Variants in OPHN1 observed in about 807,000 individuals in gnomAD.
The protein encoded by OPHN1 is oligophrenin 1, also known as oligophrenin-1.
OPHN1 carries 11 observed loss-of-function variants against 60.7 expected under a neutral mutation model. That is an observed-to-expected ratio of 0.18 (90% CI 0.11 to 0.30). The LOEUF is 0.30. Ranked by LOEUF, OPHN1 falls within the 10% of genes least tolerant of loss-of-function variation. The pLI, the probability that OPHN1 is intolerant of heterozygous loss-of-function variation, is 1.00. For synonymous variants in OPHN1, 226 were observed against 222.6 expected, an observed-to-expected ratio of 1.02 and a Z score of -0.14; for missense variants, 449 against 611.0, an observed-to-expected ratio of 0.73 and a Z score of 2.80.
At chrX:68,247,466 C>T (rs1279090210) in intron 5 of OPHN1, among the ~76,000 whole-genome samples, 1 of 111,570 alleles carries the variant, frequency 9.0e-6, no homozygotes, top group Non-Finnish European at 1.9e-5. Context: ...GGGGAATCTA[C>T]AGAGGACAGG....
intron 4 of OPHN1, among the ~76,000 whole-genome samples, chrX:68,277,400 C>T (rs1259179042): frequency 8.9e-6 from 1 of 112,507 alleles, no homozygotes; most frequent in Non-Finnish European, 1.9e-5. Context: ...TGGTGCCCTG[C>T]AGGCTAGGGG....
chrX:68,185,983 A>C (rs898168812), intron 15 of OPHN1, among the ~76,000 whole-genome samples: 1 of 111,750 alleles, frequency 8.9e-6, no homozygotes, highest in African/African-American at 3.2e-5. Context: ...TGGTTTAAGA[A>C]ATAGGCTGCT....
chrX:68,264,893 C>T (rs1647461661), intron 5 of OPHN1, among the ~76,000 whole-genome samples: 1 of 112,601 alleles, frequency 8.9e-6, no homozygotes, highest in Non-Finnish European at 1.9e-5. Context: ...CCATGCATGG[C>T]TTGGAGGGTC....
intron 2 of OPHN1, among the ~76,000 whole-genome samples, chrX:68,409,828 T>C (rs2078760959): frequency 8.9e-6 from 1 of 111,751 alleles, no homozygotes; most frequent in Non-Finnish European, 1.9e-5. Context: ...TTTTCATGAG[T>C]AGACTTAGGA....
chrX:68,182,241 T>C (rs1168369062), intron 15 of OPHN1, among the ~76,000 whole-genome samples: 2 of 78,676 alleles, frequency 2.5e-5, no homozygotes, highest in East Asian at 9.5e-4. Context: ...CACTAGGGGG[T>C]AGTTGAAACA....
chrX:68,385,031 C>A lies in OPHN1; in HGVS notation c.154+47836G>T, dbSNP rs764733924. On this transcript the variant is annotated intron_variant, in intron 2 of 24. Coordinates refer to ENST00000355520, the MANE Select transcript of OPHN1 (RefSeq NM_002547.3). ...AAGAACTTATCCATGTAACCAAAAA[C>A]CACCTGTACCCCAAAAACTATTGAA... Among the ~76,000 whole-genome samples, 7 of 110,631 alleles carry A rather than the reference C, an allele frequency of 6.3e-5. No homozygotes were observed. In the East Asian group the frequency reaches 1.7e-3, roughly 27 times the overall value.
chrX:68,322,237 G>T (rs1217106408), intron 2 of OPHN1, among the ~76,000 whole-genome samples: 1 of 111,556 alleles, frequency 9.0e-6, no homozygotes. Context: ...CTCCCAAAGT[G>T]CTGGGATTAC....
At chrX:68,166,834 T>C (rs988486740) in intron 15 of OPHN1, among the ~76,000 whole-genome samples, 6 of 112,057 alleles carry the variant, frequency 5.4e-5, no homozygotes, top group African/African-American at 1.9e-4. Context: ...TGGATATCCA[T>C]ATGCAGAAGA....
intron 15 of OPHN1, among the ~76,000 whole-genome samples, chrX:68,166,168 C>A (rs1349900597): frequency 8.9e-6 from 1 of 112,249 alleles, no homozygotes; most frequent in South Asian, 3.7e-4. Context: ...AGATATGAAA[C>A]CAAGGGTGTA....
At chrX:68,054,878 A>AT (rs955537810) in intron 21 of OPHN1, among the ~76,000 whole-genome samples, 3 of 111,981 alleles carry the variant, frequency 2.7e-5, no homozygotes, top group Non-Finnish European at 3.8e-5. Flanking sequence ...ATATTCATCC[A>AT]TTTTTTTCTA....
At chrX:68,314,291 G>A (rs1023961682) in intron 2 of OPHN1, among the ~76,000 whole-genome samples, 1 of 111,545 alleles carries the variant, frequency 9.0e-6, no homozygotes, top group Non-Finnish European at 1.9e-5. Flanking sequence ...GGAGGCTGAG[G>A]CGGGTGGATC....
chrX:68,416,079 G>T (rs1425317360), intron 2 of OPHN1, among the ~76,000 whole-genome samples: 103 of 17,154 alleles, frequency 6.0e-3, no homozygotes, highest in African/African-American at 6.3e-3. Context: ...GAGAGAGAGA[G>T]AGAGAGAGAG....
Position 68,134,231 on chromosome X carries a change from G to A in OPHN1, c.1277-14899C>T, listed in dbSNP as rs2077210025. 2.7e-5 allele frequency among the ~76,000 whole-genome samples: 3 copies of A among 111,413 alleles called. No individual in the cohort carries two copies. In the Admixed American group the frequency reaches 2.8e-4, roughly 11 times the overall value. On this transcript the variant is annotated intron_variant, in intron 15 of 24. Transcript: ENST00000355520. ...CAAAAAAAAAATTGCTTGTTCTACA[G>A]AAGATCATTTACGTTTTGTGACCAT...
At chrX:68,112,068 C>CAA in intron 17 of OPHN1, 109 bp from the exon 18 acceptor site, 1 of 401,874 alleles carries the variant, frequency 2.5e-6, no homozygotes, top group Admixed American at 3.8e-5. Flanking sequence ...CATGCACACA[C>CAA]ACACACACAC....
At chrX:68,259,986 T>C (rs1272682676) in intron 5 of OPHN1, among the ~76,000 whole-genome samples, 1 of 111,854 alleles carries the variant, frequency 8.9e-6, no homozygotes, top group Non-Finnish European at 1.9e-5. Flanking sequence ...TAAGGTTTTC[T>C]AATGTTCTTT....
At chrX:68,405,285 CT>C (rs771591546) in intron 2 of OPHN1, among the ~76,000 whole-genome samples, 1 of 111,653 alleles carries the variant, frequency 9.0e-6, no homozygotes, top group African/African-American at 3.3e-5. Flanking sequence ...CTCACTATAG[CT>C]TCAAACACCT....
At position 68,324,694 on chromosome X, in the gene OPHN1, T is replaced by C. The variant is rs768850515; in HGVS notation, c.155-25598A>G. Among the ~76,000 whole-genome samples the C allele has an allele frequency of 6.4e-5, 7 of 109,195 alleles. No homozygotes were observed. In the South Asian group the frequency reaches 2.4e-3, roughly 37 times the overall value. 94.8% of individuals were successfully genotyped at this position (109,195 alleles called of 115,157 possible). A position where few individuals can be genotyped will look rare whatever the true frequency, so the allele number is the denominator to read the frequency against. On this transcript the variant is annotated intron_variant, in intron 2 of 24. Coordinates refer to ENST00000355520, the MANE Select transcript of OPHN1 (RefSeq NM_002547.3). Reference sequence around the variant, plus strand: ...AGGGGTTCATCATAGCAACTAAACATGTAAATTACCTTAAAATGAATTTAA... The same window carrying C: ...AGGGGTTCATCATAGCAACTAAACACGTAAATTACCTTAAAATGAATTTAA...
intron 2 of OPHN1, among the ~76,000 whole-genome samples, chrX:68,345,039 G>T (rs2147696364): frequency 8.9e-6 from 1 of 112,169 alleles, no homozygotes; most frequent in East Asian, 2.8e-4. Context: ...AATACCTATT[G>T]TCATAATGTG....
intron 15 of OPHN1, among the ~76,000 whole-genome samples, chrX:68,180,410 A>G (rs1280052475): frequency 1.8e-5 from 2 of 111,787 alleles, no homozygotes; most frequent in African/African-American, 6.5e-5. Flanking sequence ...TGTTTCTGAA[A>G]CATATTCAGC....
Sources: gnomAD v4.1 joint callset for allele counts (sites outside exome capture counted in the v4.1 genomes callset) on GRCh38, gnomAD v4.1.1 for gene constraint, MANE v1.5 for transcripts, NCBI Gene and HGNC (gene_info 2026-07-23, HGNC 2026-07-21) for gene names.